PLCE1: variants seen among roughly 807,000 people sequenced by gnomAD.
PLCE1 encodes the protein phospholipase C epsilon 1.
A neutral mutation model predicts 242.8 loss-of-function variants in PLCE1; 119 were observed. That is an observed-to-expected ratio of 0.49 (90% CI 0.42 to 0.57). PLCE1 has a LOEUF of 0.57. PLCE1 is among the 20% of genes least tolerant of loss of function. The pLI is 0.00. For missense variants in PLCE1, 2,441 were observed against 2,788.8 expected, an observed-to-expected ratio of 0.88 and a Z score of 2.81; for synonymous variants, 945 against 1,017.4, an observed-to-expected ratio of 0.93 and a Z score of 1.35.
chr10:94,106,503 A>T (rs899700416), intron 2 of PLCE1, among the ~76,000 whole-genome samples: 1 of 152,154 alleles, frequency 6.6e-6, no homozygotes, highest in Non-Finnish European at 1.5e-5. Context: ...TGGAGTGAGC[A>T]TCTTTATATA....
intron 30 of PLCE1, among the ~76,000 whole-genome samples, chr10:94,323,055 C>T (rs1368869757): frequency 6.6e-6 from 1 of 152,148 alleles, no homozygotes; most frequent in African/African-American, 2.4e-5. Flanking sequence ...CTCTATAAAG[C>T]ATTGATAATA....
intron 2 of PLCE1, among the ~76,000 whole-genome samples, chr10:94,098,786 A>G (rs1044383445): frequency 6.6e-6 from 1 of 152,258 alleles, no homozygotes; most frequent in African/African-American, 2.4e-5. Context: ...TTACGAATAC[A>G]ACAGGCATAA....
chr10:94,026,642 T>C (rs376677394), intron 1 of PLCE1, among the ~76,000 whole-genome samples: 4 of 152,086 alleles, frequency 2.6e-5, no homozygotes, highest in African/African-American at 9.7e-5. Flanking sequence ...TATTGATGGG[T>C]CAGCTGCTGC....
chr10:94,166,579 GGTGTGTGTGTGTGT>G (rs56088035), intron 3 of PLCE1, among the ~76,000 whole-genome samples: 3 of 145,968 alleles, frequency 2.1e-5, no homozygotes, highest in Admixed American at 6.9e-5. Flanking sequence ...AGAGAAAAAA[GGTGTGTGTGTGTGT>G]GTGTGTGTGT....
intron 1 of PLCE1, among the ~76,000 whole-genome samples, chr10:94,011,046 T>C (rs532766527): frequency 4.5e-4 from 68 of 152,332 alleles, no homozygotes; most frequent in Non-Finnish European, 8.4e-4. Flanking sequence ...TTTTCTGTGT[T>C]AGTCATTCTT....
At chr10:94,137,976 C>A in intron 3 of PLCE1, 1 of 389,982 alleles carries the variant, frequency 2.6e-6, no homozygotes, top group Non-Finnish European at 5.1e-6. Context: ...TCCATTCATC[C>A]TGATAACATG....
intron 2 of PLCE1, among the ~76,000 whole-genome samples, chr10:94,067,140 C>G (rs1208673393): frequency 1.3e-5 from 2 of 152,230 alleles, no homozygotes; most frequent in African/African-American, 2.4e-5. Flanking sequence ...GGACCAGACC[C>G]TGTTACCTCA....
At chr10:94,212,538 G>C (rs1056397102) in intron 4 of PLCE1, among the ~76,000 whole-genome samples, 2 of 152,128 alleles carry the variant, frequency 1.3e-5, no homozygotes, top group Admixed American at 1.3e-4. Flanking sequence ...TTACAGGCAT[G>C]AGCCACCACG....
intron 2 of PLCE1, chr10:94,089,355 C>T (rs1300824282): frequency 6.2e-7 from 1 of 1,608,328 alleles, no homozygotes; most frequent in African/African-American, 1.3e-5. Context: ...GATGTGGATG[C>T]TGGAGGCTTA....
Position 94,331,574 on chromosome 10 carries a change from G to A in PLCE1, c.*3631G>A, listed in dbSNP as rs1002940374. 6.6e-6 allele frequency: 1 copy of A among 152,204 alleles called. No homozygotes were observed. Among genetic ancestry groups the A allele is most frequent in the Non-Finnish European group, 1.5e-5 (1 of 68,052 alleles). 9.4% of individuals were successfully genotyped at this position (152,204 alleles called of 1,614,324 possible). ...AGCCTGCAGGGAAAGTGCTCTCATG[G>A]TGAAAGTCTCTGACCCCTTTTCAGT... is the stretch of plus-strand genomic sequence containing the variant. On this transcript the variant is annotated 3_prime_UTR_variant, in exon 33 of 33. Coordinates refer to ENST00000371380, the MANE Select transcript of PLCE1 (RefSeq NM_016341.4).
chr10:94,298,596 C>G lies in PLCE1; in HGVS notation c.5385C>G (p.Asp1795Glu). The G allele has an allele frequency of 6.2e-7, 1 of 1,614,090 alleles. No homozygotes were observed. Among genetic ancestry groups the G allele is most frequent in the East Asian group, 2.2e-5 (1 of 44,880 alleles). The change falls in exon 24 of 33, where the codon GAC becomes GAG. Residue 1795 changes from aspartate (D) to glutamate (E), a missense_variant. By Grantham distance (45) the Asp-to-Glu change is conservative. Around this residue, in one of 5 missense-constraint regions of PLCE1, gnomAD observed 1,004 missense variants for 1,322.7 expected, o/e 0.76. Transcript: ENST00000371380. This position sits in a 1 kb window ranked among gnomAD's most constrained non-coding sequence, Gnocchi z 5.2. ...CTTACCCTGCTGCCACCCGCATCGA[C>G]TCTTCCAACCCGAACCCCCTCATGT... ...LRTYPAATRI[D>E]SSNPNPLMFW...
At chr10:94,004,557 C>T (rs2134205332) in intron 1 of PLCE1, among the ~76,000 whole-genome samples, 1 of 152,192 alleles carries the variant, frequency 6.6e-6, no homozygotes, top group East Asian at 1.9e-4. Context: ...GCATGGGTGT[C>T]TTTGTGGAGA....
At chr10:94,129,912 C>T (rs2046546398) in intron 2 of PLCE1, among the ~76,000 whole-genome samples, 1 of 152,178 alleles carries the variant, frequency 6.6e-6, no homozygotes, top group Non-Finnish European at 1.5e-5. Context: ...TTCTCATTCC[C>T]CAGTTATTTC....
intron 2 of PLCE1, among the ~76,000 whole-genome samples, chr10:94,033,107 A>T (rs1251390966): frequency 1.3e-5 from 2 of 152,100 alleles, no homozygotes; most frequent in African/African-American, 2.4e-5. Flanking sequence ...TGTATGTTAT[A>T]TGCAAATACT....
rs186411342 is a variant in PLCE1, at chr10:94,036,386, A to G, written c.1206+4134A>G. ...TTGAACAATCCTTCCCACACATTTA[A>G]AGAATGTGCTGTTTGTACAATTAAT... On this transcript the variant is annotated intron_variant, in intron 2 of 32. Transcript: ENST00000371380. 3.3e-5 allele frequency among the ~76,000 whole-genome samples: 5 copies of G among 152,334 alleles called. No homozygotes were observed. The East Asian group carries it at 9.6e-4, about 29-fold the overall frequency.
chr10:94,295,425 G>C (rs2052779528), intron 23 of PLCE1, among the ~76,000 whole-genome samples: 1 of 152,096 alleles, frequency 6.6e-6, no homozygotes, highest in African/African-American at 2.4e-5. Flanking sequence ...TCACGAAATT[G>C]CAGGAATTCA....
In PLCE1 at chr10:94,220,205, T is replaced by TAC. The variant is rs113547850; in HGVS notation, c.1810-7087_1810-7086dup. 4.0e-4 allele frequency among the ~76,000 whole-genome samples: 59 copies of TAC among 147,210 alleles called. 2 individuals are homozygous for TAC. The East Asian group carries it at 8.5e-3, about 21-fold the overall frequency. On this transcript the variant is annotated intron_variant, in intron 4 of 32. Coordinates refer to ENST00000371380, the MANE Select transcript of PLCE1 (RefSeq NM_016341.4). Reference sequence around the variant, plus strand: ...ATACATACATACATACACACACACATACACACACACACACATACACACACA... The same window carrying TAC: ...ATACATACATACATACACACACACATACACACACACACACACATACACACACA...
At chr10:94,282,457 A>G (rs1048399613) in intron 20 of PLCE1, among the ~76,000 whole-genome samples, 1 of 152,166 alleles carries the variant, frequency 6.6e-6, no homozygotes, top group Non-Finnish European at 1.5e-5. Context: ...ATTCTATGAC[A>G]ATGACAGCAC....
At chr10:94,017,751 A>G (rs1202478942) in intron 1 of PLCE1, among the ~76,000 whole-genome samples, 1 of 152,180 alleles carries the variant, frequency 6.6e-6, no homozygotes, top group Non-Finnish European at 1.5e-5. Flanking sequence ...GGGAATCTCT[A>G]TGAGACTGGA....
Sources: gnomAD v4.1 joint callset for allele counts (sites outside exome capture counted in the v4.1 genomes callset) on GRCh38, gnomAD v4.1.1 for gene constraint, gnomAD v4.1.1 regional missense constraint, Gnocchi (gnomAD v3.1) non-coding constraint, MANE v1.5 for transcripts, NCBI Gene and HGNC (gene_info 2026-07-23, HGNC 2026-07-21) for gene names.